The following KIF1B variants were observed in gnomAD, a reference collection of about 807,000 sequenced individuals.
KIF1B encodes kinesin family member 1B.
KIF1B carries 76 observed loss-of-function variants against 241.9 expected under a neutral mutation model. The ratio of observed to expected loss-of-function variants is 0.31; its 90% CI spans 0.26 to 0.38. KIF1B has a LOEUF of 0.38. Ranked by LOEUF, KIF1B falls within the 10% of genes least tolerant of loss-of-function variation. The pLI is 1.00. For synonymous variants in KIF1B, 750 were observed against 796.7 expected, an observed-to-expected ratio of 0.94 and a Z score of 0.99; for missense variants, 1,622 against 2,271.4, an observed-to-expected ratio of 0.71 and a Z score of 5.81.
At chr1:10,275,572 G>A in intron 11 of KIF1B, 69 bp downstream of exon 11, 1 of 922,286 alleles carries the variant, frequency 1.1e-6, no homozygotes, top group East Asian at 2.4e-5. Flanking sequence ...TAATTGTCCT[G>A]TGTCTGTTTT....
At chr1:10,214,546 C>T (rs1646737353) in intron 1 of KIF1B, among the ~76,000 whole-genome samples, 2 of 151,260 alleles carry the variant, frequency 1.3e-5, no homozygotes, top group Admixed American at 6.6e-5. Context: ...CCTTGGCCTC[C>T]CAAAGTGCTG....
intron 37 of KIF1B, among the ~76,000 whole-genome samples, chr1:10,349,574 C>T (rs1043803303): frequency 1.7e-4 from 25 of 150,542 alleles, no homozygotes; most frequent in African/African-American, 5.8e-4. Flanking sequence ...AGAGAGTTAA[C>T]AGTGAAAACA....
At chr1:10,318,959 G>A (rs1453199494) in intron 22 of KIF1B, among the ~76,000 whole-genome samples, 2 of 151,846 alleles carry the variant, frequency 1.3e-5, no homozygotes, top group East Asian at 1.9e-4. Context: ...GATTATATTT[G>A]TACTTCATAT....
rs115347099 is a variant in KIF1B at position 10,337,750 on chromosome 1, A to G, written c.3422+217A>G. Reference sequence around the variant, plus strand: ...TTCCCTGGCAGGAGGAGCATGCTGCACATCCTGCTGCAGGGCTCTGCTGTG... The same window carrying G: ...TTCCCTGGCAGGAGGAGCATGCTGCGCATCCTGCTGCAGGGCTCTGCTGTG... On this transcript the variant is annotated intron_variant, in intron 31 of 48. Coordinates refer to ENST00000676179, the MANE Select transcript of KIF1B (RefSeq NM_001365951.3). This position sits in a 1 kb window ranked among gnomAD's most constrained non-coding sequence, Gnocchi z 4.0. 0.019 allele frequency among the ~76,000 whole-genome samples: 2,897 copies of G among 152,278 alleles called. 42 individuals carry two copies. The highest frequency in any genetic ancestry group is 0.028 in the Non-Finnish European group (1,923 of 68,012).
chr1:10,332,038 G>A (rs1651960802), intron 27 of KIF1B, among the ~76,000 whole-genome samples: 1 of 152,186 alleles, frequency 6.6e-6, no homozygotes, highest in Non-Finnish European at 1.5e-5. Context: ...GGCATCAACT[G>A]TCATCTTCTC....
chr1:10,304,449 G>C, intron 22 of KIF1B: 1 of 1,611,580 alleles, frequency 6.2e-7, no homozygotes, highest in Non-Finnish European at 8.5e-7. Context: ...AGACTTTCCA[G>C]GCAAAGCGCC....
At chr1:10,373,847 T>G (rs116526169) in intron 45 of KIF1B, among the ~76,000 whole-genome samples, 2,612 of 152,254 alleles carry the variant, frequency 0.017, 82 homozygotes, top group African/African-American at 0.059. Flanking sequence ...GAAGCCCCCA[T>G]GGCTCAACCC....
At chr1:10,256,347 C>T (rs755149806) in intron 3 of KIF1B, 24 bp downstream of exon 3, 1 of 1,415,482 alleles carries the variant, frequency 7.1e-7, no homozygotes, top group Non-Finnish European at 1.0e-6. Flanking sequence ...TGCCACAGCA[C>T]TGCCAGCTCC....
intron 4 of KIF1B, among the ~76,000 whole-genome samples, chr1:10,261,614 C>T (rs1648149647): frequency 6.6e-6 from 1 of 152,022 alleles, no homozygotes; most frequent in Non-Finnish European, 1.5e-5. Flanking sequence ...TTAGCCTAGG[C>T]CTACACAGGG....
In KIF1B at chr1:10,326,398, G is replaced by C. The variant is rs2102302065; in HGVS notation, c.2924+39G>C. On this transcript the variant is annotated intron_variant, in intron 27 of 48. Transcript: ENST00000676179. This position sits in a 1 kb window ranked among gnomAD's most constrained non-coding sequence, Gnocchi z 5.2. Reference sequence around the variant, plus strand: ...TTGTGAGAAAGGCGAAAAGGGACCAGCTCTTGCTCTGAAGGCCTCCCTGCT... The same window carrying C: ...TTGTGAGAAAGGCGAAAAGGGACCACCTCTTGCTCTGAAGGCCTCCCTGCT... The C allele has an allele frequency of 6.2e-7, 1 of 1,613,320 alleles. No individual in the cohort carries two copies. The highest frequency in any genetic ancestry group is 2.2e-5 in the East Asian group (1 of 44,886).
intron 5 of KIF1B, among the ~76,000 whole-genome samples, chr1:10,267,167 T>G (rs1648511631): frequency 6.6e-6 from 1 of 152,066 alleles, no homozygotes; most frequent in African/African-American, 2.4e-5. Flanking sequence ...TACAGGCATG[T>G]GCCACCACGC....
Position 10,337,438 on chromosome 1 carries a change from C to G in KIF1B, c.3327C>G (p.Asn1109Lys), listed in dbSNP as rs199805720. ...VMEGFSEEIG[N>K]HLKLGSAFTF... ...AAGGGTTTTCTGAAGAGATTGGCAA[C>G]CACCTGAAACTGGGCAGTGCCTTCA... is the stretch of plus-strand genomic sequence containing the variant. The change falls in exon 31 of 49, where the codon AAC becomes AAG. Residue 1109 changes from asparagine to lysine, a missense_variant. Around this residue, in one of 7 missense-constraint regions of KIF1B, gnomAD observed 803 missense variants for 1,112.0 expected, o/e 0.72. Transcript: ENST00000676179. This position sits in a 1 kb window ranked among gnomAD's most constrained non-coding sequence, Gnocchi z 4.0. 1.2e-6 allele frequency: 2 copies of G among 1,614,058 alleles called. No individual in the cohort carries two copies. Among genetic ancestry groups the G allele is most frequent in the African/African-American group, 1.3e-5 (1 of 74,912 alleles).
chr1:10,219,040 G>A (rs1557643028), intron 1 of KIF1B, among the ~76,000 whole-genome samples: 1 of 152,118 alleles, frequency 6.6e-6, no homozygotes, highest in Non-Finnish European at 1.5e-5. Flanking sequence ...ATGCAAAAAG[G>A]GAAAGATAAA....
In KIF1B at chr1:10,261,927, A is replaced by G; in HGVS notation, c.386A>G (p.Lys129Arg). The G allele has an allele frequency of 6.2e-7, 1 of 1,612,154 alleles. No homozygotes were observed. Among genetic ancestry groups the G allele is most frequent in the Non-Finnish European group, 8.5e-7 (1 of 1,178,222 alleles). The change falls in exon 5 of 49, where the codon AAA becomes AGA. Residue 129 changes from lysine to arginine, a missense_variant. Physicochemically the swap from Lys to Arg is conservative, Grantham distance 26. Around this residue, in one of 7 missense-constraint regions of KIF1B, gnomAD observed 156 missense variants for 244.8 expected, o/e 0.64. Transcript: ENST00000676179. ...IPQLCEELFE[K>R]INDNCNEEMS... is the part of the protein sequence containing the mutation. ...TAGTTATGTGAAGAACTTTTTGAGA[A>G]AATCAATGACAACTGTAATGAAGAA...
At chr1:10,228,194 A>G (rs953302258) in intron 1 of KIF1B, among the ~76,000 whole-genome samples, 4 of 152,160 alleles carry the variant, frequency 2.6e-5, no homozygotes, top group Admixed American at 6.5e-5. Flanking sequence ...CATCTCAAAA[A>G]AAAAGAAAAG....
In KIF1B at chr1:10,365,048, C is replaced by G. The variant is rs1638528565; in HGVS notation, c.4367-52C>G. ...AATTATTAATTCGTTTTGACCTAAA[C>G]TTGGAATTGAATTTTTTTTCTGAAA... On this transcript the variant is annotated intron_variant, in intron 41 of 48. Coordinates refer to ENST00000676179, the MANE Select transcript of KIF1B (RefSeq NM_001365951.3). This position sits in a 1 kb window ranked among gnomAD's most constrained non-coding sequence, Gnocchi z 4.0. 3 of 1,440,738 alleles carry G rather than the reference C, an allele frequency of 2.1e-6. No individual in the cohort carries two copies. The highest frequency in any genetic ancestry group is 9.5e-7 in the Non-Finnish European group (1 of 1,051,186). The allele number at this position is 1,440,738 out of a possible 1,614,324, so 89.2% of individuals were successfully genotyped here.
In KIF1B at chr1:10,296,612, C is replaced by A. The variant is rs1650276836; in HGVS notation, c.1808C>A (p.Ser603Ter). 1.2e-6 allele frequency: 2 copies of A among 1,613,920 alleles called. No individual in the cohort carries two copies. The highest frequency in any genetic ancestry group is 2.2e-5 in the South Asian group (2 of 91,040). ...VIVTLEPCER[S>*]ETYVNGKRVS... ...GTGACCTTAGAGCCCTGTGAGCGCT[C>A]AGAAACCTACGTAAATGGCAAGAGG... Residue 603 changes from serine to a stop codon, truncating the protein, a stop_gained, in exon 20 of 49, where the codon TCA (serine) becomes TAA (stop). Transcript: ENST00000676179. LOFTEE classifies it high-confidence loss of function.
rs551964117 is a variant in KIF1B, at chr1:10,326,577, G to A, written c.2924+218G>A. Among the ~76,000 whole-genome samples, 12 of 152,296 alleles carry A rather than the reference G, an allele frequency of 7.9e-5. No homozygotes were observed. The highest frequency in any genetic ancestry group is 2.1e-4 in the South Asian group (1 of 4,830). On this transcript the variant is annotated intron_variant, in intron 27 of 48. Coordinates refer to ENST00000676179, the MANE Select transcript of KIF1B (RefSeq NM_001365951.3). The surrounding 1 kb of genome is among the most constrained non-coding windows in gnomAD (Gnocchi z 5.2). Reference sequence around the variant, plus strand: ...GTCCTCAGTCTACTCAGCACAATACGTAGCAATATATGAAGACTGCATGGA... The same window carrying A: ...GTCCTCAGTCTACTCAGCACAATACATAGCAATATATGAAGACTGCATGGA...
intron 25 of KIF1B, among the ~76,000 whole-genome samples, chr1:10,324,295 A>G (rs964201582): frequency 1.3e-5 from 2 of 151,920 alleles, no homozygotes; most frequent in African/African-American, 4.8e-5. Context: ...CCCTCCATAG[A>G]CCCTCTTATA....
Sources: allele counts gnomAD v4.1 joint callset (sites outside exome capture counted in the v4.1 genomes callset), GRCh38; gene constraint gnomAD v4.1.1; regional missense constraint gnomAD v4.1.1; non-coding constraint Gnocchi (gnomAD v3.1); transcripts MANE v1.5; gene names NCBI Gene and HGNC (gene_info 2026-07-23, HGNC 2026-07-21).